ZNF599: variants seen among roughly 807,000 people sequenced by gnomAD.
ZNF599 encodes zinc finger protein 599.
Under a neutral mutation model 11.7 loss-of-function variants are expected in ZNF599, and 10 were observed. The observed-to-expected ratio is 0.86, with a 90% confidence interval of 0.53 to 1.45. ZNF599 has a LOEUF of 1.45. ZNF599 is among the 40% of genes most tolerant of loss of function. The probability of loss-of-function intolerance (pLI) is 0.00; values close to 1 mark genes in which losing one functional copy is unlikely to be tolerated. For missense variants in ZNF599, 688 were observed against 713.6 expected, an observed-to-expected ratio of 0.96 and a Z score of 0.41; for synonymous variants, 232 against 253.2, an observed-to-expected ratio of 0.92 and a Z score of 0.79.
At chr19:34,786,355 A>C in the ZNF599 span, among the ~76,000 whole-genome samples, 1 of 152,054 alleles carries the variant, frequency 6.6e-6, no homozygotes, top group Non-Finnish European at 1.5e-5. Context: ...AGTTGAGCCC[A>C]ATCTCTCTCC....
At chr19:34,802,033 T>C in the ZNF599 span, among the ~76,000 whole-genome samples, 1 of 152,240 alleles carries the variant, frequency 6.6e-6, no homozygotes, top group African/African-American at 2.4e-5. Context: ...CCTGTGACAA[T>C]TCTTTTACAG....
At chr19:34,796,466 A>G in the ZNF599 span, among the ~76,000 whole-genome samples, 1 of 151,794 alleles carries the variant, frequency 6.6e-6, no homozygotes, top group African/African-American at 2.4e-5. Flanking sequence ...GCCTGCCACC[A>G]TGCCTGGCTA....
At chr19:34,797,015 C>T in the ZNF599 span, among the ~76,000 whole-genome samples, 64 of 150,390 alleles carry the variant, frequency 4.3e-4, no homozygotes, top group Non-Finnish European at 7.8e-4. Flanking sequence ...TTCCTGTGTC[C>T]GTGTGTTCTC....
At chr19:34,788,342 A>G in the ZNF599 span, among the ~76,000 whole-genome samples, 6 of 152,278 alleles carry the variant, frequency 3.9e-5, no homozygotes, top group African/African-American at 1.4e-4. Flanking sequence ...TTCATATCCT[A>G]ACCTAAGATC....
chr19:34,793,913 G>T, the ZNF599 span, among the ~76,000 whole-genome samples: 1 of 152,148 alleles, frequency 6.6e-6, no homozygotes, highest in East Asian at 1.9e-4. Flanking sequence ...TTTTAAAATC[G>T]TATGTATTAG....
In ZNF599 at chr19:34,759,936, C is replaced by T. The variant is rs1206460013; in HGVS notation, c.865G>A (p.Gly289Ser). The T allele has an allele frequency of 2.5e-6, 4 of 1,613,992 alleles. No individual in the cohort carries two copies. The highest frequency in any genetic ancestry group is 3.4e-6 in the Non-Finnish European group (4 of 1,180,026). The change falls in exon 4 of 4, where the codon GGC becomes AGC. Residue 289 changes from glycine to serine, a missense_variant. By Grantham distance (56) the Gly-to-Ser change is moderately conservative. Transcript: ENST00000329285. ...GAAGAGCGGTGGGTGAATGCTTTGC[C>T]ACATTCTTTGCACTCATAGGGCTTA... ...GDKPYECKEC[G>S]KAFTHRSSFI...
the ZNF599 span, among the ~76,000 whole-genome samples, chr19:34,801,757 C>T: frequency 8.5e-5 from 13 of 152,324 alleles, no homozygotes; most frequent in South Asian, 2.7e-3. Context: ...CCTGAGTCAA[C>T]CAGGAAGTAC....
At chr19:34,771,701 G>C (rs915728783) in intron 1 of ZNF599, among the ~76,000 whole-genome samples, 8 of 152,142 alleles carry the variant, frequency 5.3e-5, no homozygotes, top group Non-Finnish European at 1.0e-4. Flanking sequence ...GGTGGGGTTG[G>C]GTTAGATGAA....
the ZNF599 span, among the ~76,000 whole-genome samples, chr19:34,803,618 AT>A: frequency 1.3e-5 from 2 of 152,290 alleles, no homozygotes; most frequent in Non-Finnish European, 2.9e-5. Flanking sequence ...CCTTGGTGTC[AT>A]TTGTGCCTAC....
chr19:34,779,421 C>G, the ZNF599 span: 18 of 454,476 alleles, frequency 4.0e-5, no homozygotes, highest in South Asian at 2.8e-4. Flanking sequence ...TCCATAGTCA[C>G]TACACTCATG....
chr19:34,758,746 C>T lies in ZNF599; in HGVS notation c.*288G>A. The T allele has an allele frequency of 3.5e-6, 1 of 283,708 alleles. No individual in the cohort carries two copies. The highest frequency in any genetic ancestry group is 2.2e-5 in the African/African-American group (1 of 46,056). The allele number at this position is 283,708 out of a possible 1,614,324, so 17.6% of individuals were successfully genotyped here. On this transcript the variant is annotated 3_prime_UTR_variant, in exon 4 of 4. Coordinates refer to ENST00000329285, the MANE Select transcript of ZNF599 (RefSeq NM_001007248.3). ...AGGAAAGTTGTTCCTGACATTTTAC[C>T]TAAATGCATGTTAACCACCAGGTCT... is the stretch of plus-strand genomic sequence containing the variant.
chr19:34,788,352 C>T, the ZNF599 span, among the ~76,000 whole-genome samples: 3 of 152,194 alleles, frequency 2.0e-5, no homozygotes, highest in Non-Finnish European at 2.9e-5. Flanking sequence ...AACCTAAGAT[C>T]TGAAGGCTAT....
the ZNF599 span, among the ~76,000 whole-genome samples, chr19:34,793,938 G>T: frequency 6.6e-6 from 1 of 152,110 alleles, no homozygotes; most frequent in East Asian, 1.9e-4. Context: ...TTTTCACGCT[G>T]CAGATAAAGA....
At position 34,758,952 on chromosome 19, in the gene ZNF599, A is replaced by G; in HGVS notation, c.*82T>C. On this transcript the variant is annotated 3_prime_UTR_variant, in exon 4 of 4. Coordinates refer to ENST00000329285, the MANE Select transcript of ZNF599 (RefSeq NM_001007248.3). ...CTCTGGCCAAAATATTTCCCTCAAT[A>G]GTTATACTCAAAAGGAAAGGTATGT... 7.2e-7 allele frequency: 1 copy of G among 1,395,690 alleles called. No individual in the cohort carries two copies. The highest frequency in any genetic ancestry group is 9.8e-7 in the Non-Finnish European group (1 of 1,024,574). The allele number at this position is 1,395,690 out of a possible 1,614,324, so 86.5% of individuals were successfully genotyped here.
At chr19:34,772,603 G>A (rs1211714032) in intron 1 of ZNF599, 2 of 1,355,604 alleles carry the variant, frequency 1.5e-6, no homozygotes, top group East Asian at 3.1e-5. Context: ...CCAGGTTAGA[G>A]CCAGAGACAG....
the ZNF599 span, among the ~76,000 whole-genome samples, chr19:34,794,420 G>A: frequency 1.3e-5 from 2 of 152,124 alleles, no homozygotes; most frequent in African/African-American, 4.8e-5. Context: ...CTTGGTTTTA[G>A]CTGGTTTTGG....
In ZNF599 at chr19:34,768,271, G is replaced by A. The variant is rs2069158174; in HGVS notation, c.146-860C>T. On this transcript the variant is annotated intron_variant, in intron 2 of 3. Transcript: ENST00000329285. ...TCTCTGTTAAGGAATCAAGCACCCTGCTCCCACAGGGATGCTGCTCATGTT... is the reference window on the plus strand; with the variant it reads ...TCTCTGTTAAGGAATCAAGCACCCTACTCCCACAGGGATGCTGCTCATGTT... 1.3e-5 allele frequency among the ~76,000 whole-genome samples: 2 copies of A among 152,196 alleles called. 1 individual carries two copies. Among genetic ancestry groups the A allele is most frequent in the South Asian group, 4.1e-4 (2 of 4,828 alleles).
At chr19:34,772,072 A>G (rs2069186921) in intron 1 of ZNF599, among the ~76,000 whole-genome samples, 1 of 152,236 alleles carries the variant, frequency 6.6e-6, no homozygotes. Context: ...TACGAGGAGT[A>G]AACAGTGTGA....
At chr19:34,804,549 G>T in the ZNF599 span, among the ~76,000 whole-genome samples, 1 of 152,170 alleles carries the variant, frequency 6.6e-6, no homozygotes, top group African/African-American at 2.4e-5. Flanking sequence ...AGTCTACAAA[G>T]TGGCCACCAC....
Sources: allele counts gnomAD v4.1 joint callset (sites outside exome capture counted in the v4.1 genomes callset), GRCh38; gene constraint gnomAD v4.1.1; transcripts MANE v1.5; gene names NCBI Gene and HGNC (gene_info 2026-07-23, HGNC 2026-07-21).